Variants in UBAC2 observed in about 807,000 individuals in gnomAD.
UBAC2 encodes the protein ubiquitin-associated domain-containing protein 2.
In UBAC2, 26 loss-of-function variants were observed where a neutral mutation model predicts 44.0. That is an observed-to-expected ratio of 0.59 (90% CI 0.43 to 0.82). The LOEUF (loss-of-function observed/expected upper bound fraction) is 0.82. Among genes scored for constraint, UBAC2 ranks in the 40% least tolerant of loss-of-function variants. UBAC2 has a pLI of 0.00. For synonymous variants in UBAC2, 155 were observed against 154.3 expected (o/e 1.00, Z -0.04); for missense variants, 329 against 419.4 (o/e 0.78, Z 1.88).
intron 4 of UBAC2, among the ~76,000 whole-genome samples, chr13:99,304,870 G>A (rs747344397): frequency 1.3e-5 from 2 of 152,098 alleles, no homozygotes; most frequent in African/African-American, 2.4e-5. Flanking sequence ...TGCTATTATG[G>A]GTAGAAAACA....
Position 99,295,664 on chromosome 13 carries a change from G to A in UBAC2, c.390-18433G>A, listed in dbSNP as rs751176615. 2 of 1,614,150 alleles carry A rather than the reference G, an allele frequency of 1.2e-6. No individual in the cohort carries two copies. The highest frequency in any genetic ancestry group is 2.2e-5 in the South Asian group (2 of 91,086). The stretch of plus-strand genomic sequence containing the variant: ...GTTGATGAGGAGTGGGAGTGTCTGA[G>A]CAAATACTAGAATCCAGACAAATAT... On this transcript the variant is annotated intron_variant, in intron 4 of 8. Transcript: ENST00000403766. This position sits in a 1 kb window ranked among gnomAD's most constrained non-coding sequence, Gnocchi z 4.1.
intron 4 of UBAC2, among the ~76,000 whole-genome samples, chr13:99,281,607 G>T (rs147641553): frequency 6.6e-6 from 1 of 152,158 alleles, no homozygotes; most frequent in South Asian, 2.1e-4. Context: ...AACCTTCAGC[G>T]CTATTTTCTA....
chr13:99,243,094 G>T (rs1383763000), intron 2 of UBAC2, among the ~76,000 whole-genome samples: 3 of 152,148 alleles, frequency 2.0e-5, no homozygotes, highest in South Asian at 2.1e-4. Context: ...AGAAAAGTTG[G>T]AATTAATATT....
chr13:99,293,180 A>G lies in UBAC2; in HGVS notation c.390-20917A>G, dbSNP rs116077564. On this transcript the variant is annotated intron_variant, in intron 4 of 8. Transcript: ENST00000403766. ...CTGATGACTGGATAAAATCATTTAT[A>G]TAGATTTGTGGTATAGTGGAGGGAG... is the stretch of plus-strand genomic sequence containing the variant. Among the ~76,000 whole-genome samples the G allele has an allele frequency of 7.8e-3, 1,189 of 152,302 alleles. 12 individuals carry two copies. The highest frequency in any genetic ancestry group is 0.031 in the Middle Eastern group (9 of 294).
rs770974042 is a variant in UBAC2, at chr13:99,295,708, T to C, written c.390-18389T>C. 1.9e-6 allele frequency: 3 copies of C among 1,614,040 alleles called. No homozygotes were observed. Among genetic ancestry groups the C allele is most frequent in the South Asian group, 2.2e-5 (2 of 91,078 alleles). Reference sequence around the variant, plus strand: ...CAAATATGCACACGCCTTTTGCATGTTCAATCCTTTTTATCTTGTTGTAGC... The same window carrying C: ...CAAATATGCACACGCCTTTTGCATGCTCAATCCTTTTTATCTTGTTGTAGC... On this transcript the variant is annotated intron_variant, in intron 4 of 8. Coordinates refer to ENST00000403766, the MANE Select transcript of UBAC2 (RefSeq NM_001144072.2). The surrounding 1 kb of genome is among the most constrained non-coding windows in gnomAD (Gnocchi z 4.1).
intron 8 of UBAC2, among the ~76,000 whole-genome samples, chr13:99,376,663 A>G (rs903637093): frequency 6.6e-6 from 1 of 152,228 alleles, no homozygotes; most frequent in Non-Finnish European, 1.5e-5. Flanking sequence ...GGAAGACAGG[A>G]AAGCAAAGCA....
In UBAC2 at chr13:99,377,574, C is replaced by T. The variant is rs573221956; in HGVS notation, c.928-7654C>T. 3.3e-5 allele frequency: 5 copies of T among 152,216 alleles called. No homozygotes were observed. The East Asian group carries it at 9.7e-4, about 29-fold the overall frequency. 9.4% of individuals were successfully genotyped at this position (152,216 alleles called of 1,614,324 possible). On this transcript the variant is annotated intron_variant, in intron 8 of 8. Transcript: ENST00000403766. ...AGAGATGGGCTGACCATCTATAATA[C>T]CATTATTTATATAGTCATCAGAGTT...
At chr13:99,223,549 T>G (rs987443340) in intron 1 of UBAC2, among the ~76,000 whole-genome samples, 2 of 146,684 alleles carry the variant, frequency 1.4e-5, no homozygotes, top group African/African-American at 2.5e-5. Flanking sequence ...TCTGTTTTTT[T>G]TTTTTTTTTT....
intron 7 of UBAC2, among the ~76,000 whole-genome samples, chr13:99,341,855 A>T (rs1439986773): frequency 6.6e-6 from 1 of 152,186 alleles, no homozygotes; most frequent in Non-Finnish European, 1.5e-5. Context: ...CTTATGAGGG[A>T]GAGAAAGAAG....
At chr13:99,325,711 C>G (rs990093893) in intron 6 of UBAC2, among the ~76,000 whole-genome samples, 1 of 152,178 alleles carries the variant, frequency 6.6e-6, no homozygotes, top group Non-Finnish European at 1.5e-5. Flanking sequence ...GCCCCCAGCC[C>G]CTAGCAACCA....
At chr13:99,231,459 C>CTGGG (rs1407596949) in intron 1 of UBAC2, 3 of 123,202 alleles carry the variant, frequency 2.4e-5, no homozygotes, top group Non-Finnish European at 4.7e-5. Context: ...GTCGTCCAGG[C>CTGGG]TGGAGTACAA....
intron 8 of UBAC2, among the ~76,000 whole-genome samples, chr13:99,383,450 TAGA>T (rs1223613969): frequency 6.6e-6 from 1 of 152,368 alleles, no homozygotes; most frequent in Non-Finnish European, 1.5e-5. Context: ...GAAAACAAAC[TAGA>T]AGGTTTCTGC....
intron 1 of UBAC2, among the ~76,000 whole-genome samples, chr13:99,233,596 C>G (rs1194206164): frequency 6.6e-6 from 1 of 152,066 alleles, no homozygotes; most frequent in Non-Finnish European, 1.5e-5. Flanking sequence ...CAGAGGGCTT[C>G]CACCTGGACC....
chr13:99,246,853 A>AATAT (rs2142746019), intron 4 of UBAC2, among the ~76,000 whole-genome samples: 1 of 152,344 alleles, frequency 6.6e-6, no homozygotes, highest in African/African-American at 2.4e-5. Context: ...CCTGAATGAA[A>AATAT]ATATATTTCT....
intron 1 of UBAC2, among the ~76,000 whole-genome samples, chr13:99,214,665 C>A (rs2042971184): frequency 6.6e-6 from 1 of 152,116 alleles, no homozygotes; most frequent in Non-Finnish European, 1.5e-5. Flanking sequence ...TTTGAAGTTA[C>A]CCCAAGCTCT....
chr13:99,277,741 A>C (rs1368642911), intron 4 of UBAC2, among the ~76,000 whole-genome samples: 1 of 152,036 alleles, frequency 6.6e-6, no homozygotes, highest in Non-Finnish European at 1.5e-5. Context: ...ACTGTGCTCT[A>C]TTGTCTCACT....
At chr13:99,216,868 T>A (rs751715458) in intron 1 of UBAC2, among the ~76,000 whole-genome samples, 19 of 151,092 alleles carry the variant, frequency 1.3e-4, no homozygotes, top group Non-Finnish European at 3.0e-5. Flanking sequence ...CTTGCCCTTG[T>A]CCCCCAGGCT....
intron 4 of UBAC2, among the ~76,000 whole-genome samples, chr13:99,271,909 A>C (rs182797683): frequency 4.0e-4 from 61 of 152,248 alleles, no homozygotes; most frequent in African/African-American, 1.4e-3. Flanking sequence ...CAGACCATTC[A>C]AGTGGGGGTA....
Position 99,366,378 on chromosome 13 carries a change from A to G in UBAC2, c.808-1409A>G, listed in dbSNP as rs567853375. Among the ~76,000 whole-genome samples, 3 of 152,318 alleles carry G rather than the reference A, an allele frequency of 2.0e-5. 1 individual carries two copies. In the South Asian group the frequency reaches 6.2e-4, roughly 32 times the overall value. On this transcript the variant is annotated intron_variant, in intron 7 of 8. Coordinates refer to ENST00000403766, the MANE Select transcript of UBAC2 (RefSeq NM_001144072.2). ...GTTTTTCCCCACTGGAGCTTTAACT[A>G]TAAATCCCATGTAACCCCAAGGCAA...
Sources: allele counts gnomAD v4.1 joint callset (sites outside exome capture counted in the v4.1 genomes callset), GRCh38; gene constraint gnomAD v4.1.1; non-coding constraint Gnocchi (gnomAD v3.1); transcripts MANE v1.5; gene names NCBI Gene and HGNC (gene_info 2026-07-23, HGNC 2026-07-21).